Variants in LMCD1 observed in about 807,000 individuals in gnomAD.
LMCD1 encodes LIM and cysteine-rich domains protein 1.
A neutral mutation model predicts 42.7 loss-of-function variants in LMCD1; 32 were observed. The observed-to-expected ratio is 0.75, with a 90% CI of 0.57 to 1.01. The LOEUF is 1.01. Among genes scored for constraint, LMCD1 ranks in the 50% least tolerant of loss-of-function variants. The pLI, the probability that LMCD1 is intolerant of heterozygous loss-of-function variation, is 0.00. For missense variants in LMCD1, 458 were observed against 483.1 expected (o/e 0.95, Z 0.49); for synonymous variants, 178 against 184.9 (o/e 0.96, Z 0.30).
intron 2 of LMCD1, among the ~76,000 whole-genome samples, chr3:8,535,428 C>T (rs186976357): frequency 1.3e-5 from 2 of 152,302 alleles, no homozygotes; most frequent in Non-Finnish European, 2.9e-5. Context: ...TCAATTTTAA[C>T]ATCTCTCAAA....
At chr3:8,557,983 C>T (rs948911557) in intron 4 of LMCD1, among the ~76,000 whole-genome samples, 8 of 152,184 alleles carry the variant, frequency 5.3e-5, no homozygotes, top group East Asian at 3.9e-4. Flanking sequence ...GGTCTCTCCA[C>T]GTGGTTGCCC....
chr3:8,528,172 C>T (rs1056703865), intron 1 of LMCD1, among the ~76,000 whole-genome samples: 9 of 152,120 alleles, frequency 5.9e-5, no homozygotes, highest in African/African-American at 1.9e-4. Flanking sequence ...AAAGGATGTG[C>T]CACTCACCTT....
intron 2 of LMCD1, among the ~76,000 whole-genome samples, chr3:8,534,104 C>T (rs1268421815): frequency 6.6e-6 from 1 of 151,834 alleles, no homozygotes; most frequent in Non-Finnish European, 1.5e-5. Context: ...CCCCACTGGT[C>T]CTGAATCTCA....
intron 1 of LMCD1, among the ~76,000 whole-genome samples, chr3:8,518,052 GA>G (rs148036295): frequency 0.049 from 7,014 of 144,332 alleles, 282 homozygotes; most frequent in African/African-American, 0.11. Context: ...TTTTAAAGAT[GA>G]AAAAAAAAAA....
rs371894685 is a variant in LMCD1, at chr3:8,532,730, T to C, written c.43-7T>C. Reference sequence around the variant, plus strand: ...GGAAAACACCCTCTTTTCTGTTCCTTTTCCAGATGTCCCTGGGCCAGCTGC... The same window carrying C: ...GGAAAACACCCTCTTTTCTGTTCCTCTTCCAGATGTCCCTGGGCCAGCTGC... On this transcript the variant is annotated splice_region_variant and splice_polypyrimidine_tract_variant and intron_variant, in intron 1 of 5. Coordinates refer to ENST00000157600, the MANE Select transcript of LMCD1 (RefSeq NM_014583.4). The C allele has an allele frequency of 1.5e-5, 25 of 1,613,670 alleles. No individual in the cohort carries two copies. Among genetic ancestry groups the C allele is most frequent in the Middle Eastern group, 1.7e-4 (1 of 6,056 alleles).
chr3:8,553,812 CA>C (rs1694881905), intron 4 of LMCD1, among the ~76,000 whole-genome samples: 1 of 152,196 alleles, frequency 6.6e-6, no homozygotes, highest in African/African-American at 2.4e-5. Flanking sequence ...GGGGCAATAC[CA>C]AGCCTGAAAA....
intron 2 of LMCD1, among the ~76,000 whole-genome samples, chr3:8,533,701 C>G (rs79066138): frequency 6.5e-4 from 99 of 152,180 alleles, no homozygotes; most frequent in African/African-American, 2.3e-3. Context: ...TGAAATAAAC[C>G]TAAGCAGTAG....
At chr3:8,520,779 A>G (rs773507233) in intron 1 of LMCD1, among the ~76,000 whole-genome samples, 11 of 152,364 alleles carry the variant, frequency 7.2e-5, no homozygotes, top group Middle Eastern at 3.4e-3. Flanking sequence ...AATCCCTTTC[A>G]TAGGCAATTA....
chr3:8,516,714 G>A (rs1694108152), intron 1 of LMCD1, among the ~76,000 whole-genome samples: 1 of 152,178 alleles, frequency 6.6e-6, no homozygotes, highest in African/African-American at 2.4e-5. Flanking sequence ...TTTGCAGGGA[G>A]AAATTGCTTT....
intron 1 of LMCD1, among the ~76,000 whole-genome samples, chr3:8,531,226 G>C (rs1156295984): frequency 6.6e-6 from 1 of 152,126 alleles, no homozygotes; most frequent in Admixed American, 6.5e-5. Context: ...TGCTCACATT[G>C]CATACCCTAC....
intron 1 of LMCD1, among the ~76,000 whole-genome samples, chr3:8,504,970 A>G (rs937418837): frequency 2.6e-5 from 4 of 152,222 alleles, no homozygotes; most frequent in Non-Finnish European, 5.9e-5. Flanking sequence ...CAAGCTAATT[A>G]ACTTTGAGTC....
intron 4 of LMCD1, among the ~76,000 whole-genome samples, chr3:8,563,613 G>A (rs566184625): frequency 6.6e-6 from 1 of 152,324 alleles, no homozygotes; most frequent in Admixed American, 6.5e-5. Flanking sequence ...TGGGGGATCT[G>A]CCAAAATCAT....
chr3:8,545,175 T>C (rs537674313), intron 3 of LMCD1, among the ~76,000 whole-genome samples: 2 of 152,354 alleles, frequency 1.3e-5, no homozygotes, highest in East Asian at 3.9e-4. Flanking sequence ...ATGTCCATAA[T>C]GATTTAATTA....
chr3:8,520,545 G>C (rs927751502), intron 1 of LMCD1, among the ~76,000 whole-genome samples: 1 of 152,132 alleles, frequency 6.6e-6, no homozygotes, highest in Admixed American at 6.5e-5. Context: ...CTTCTATCTT[G>C]ATTTCCCTCA....
At position 8,573,452 on chromosome 3, in the gene LMCD1, T is replaced by C. The variant is rs1245681347; in HGVS notation, c.*5854T>C. ...TGTCCCATGGAGACACAAGCAATAGTGACATGAGCACTTGACTCGCTGGGT... is the reference window on the plus strand; with the variant it reads ...TGTCCCATGGAGACACAAGCAATAGCGACATGAGCACTTGACTCGCTGGGT... On this transcript the variant is annotated 3_prime_UTR_variant, in exon 6 of 6. Transcript: ENST00000157600. The C allele has an allele frequency of 2.6e-5, 4 of 152,176 alleles. No individual in the cohort carries two copies. Among genetic ancestry groups the C allele is most frequent in the Non-Finnish European group, 4.4e-5 (3 of 68,038 alleles). 9.4% of individuals were successfully genotyped at this position (152,176 alleles called of 1,614,324 possible). A position where few individuals can be genotyped will look rare whatever the true frequency, so the allele number is the denominator to read the frequency against.
At position 8,567,536 on chromosome 3, in the gene LMCD1, G is replaced by T; in HGVS notation, c.1036G>T (p.Ala346Ser). The T allele has an allele frequency of 6.2e-7, 1 of 1,613,802 alleles. No homozygotes were observed. The highest frequency in any genetic ancestry group is 1.6e-4 in the Middle Eastern group (1 of 6,062). The change falls in exon 6 of 6, where the codon GCG (alanine) becomes TCG (serine). Residue 346 changes from alanine (A) to serine (S), a missense_variant. Physicochemically the swap from Ala to Ser is moderately conservative, Grantham distance 99 (BLOSUM62 1). Transcript: ENST00000157600. ...TTGTGAGCAGCTGCTGAGCGGCCGG[G>T]CGTACATCGTCACCAAGGGTCAGCT... is the stretch of plus-strand genomic sequence containing the variant. ...EGCEQLLSGR[A>S]YIVTKGQLLC...
At chr3:8,509,095 A>G (rs1169192444) in intron 1 of LMCD1, among the ~76,000 whole-genome samples, 1 of 152,234 alleles carries the variant, frequency 6.6e-6, no homozygotes, top group Non-Finnish European at 1.5e-5. Flanking sequence ...CGATAGTTTA[A>G]TGAGGTAAAG....
intron 1 of LMCD1, among the ~76,000 whole-genome samples, chr3:8,520,432 G>A (rs2125015920): frequency 6.6e-6 from 1 of 152,296 alleles, no homozygotes; most frequent in South Asian, 2.1e-4. Flanking sequence ...TAATTTCCAA[G>A]TGTAACCTGA....
rs1019790160 is a variant in LMCD1 at position 8,574,302 on chromosome 3, G to A, written c.*6704G>A. 3 of 152,438 alleles carry A rather than the reference G, an allele frequency of 2.0e-5. No homozygotes were observed. The highest frequency in any genetic ancestry group is 4.8e-5 in the African/African-American group (2 of 41,466). The allele number at this position is 152,438 out of a possible 1,614,324, so 9.4% of individuals were successfully genotyped here. A position where few individuals can be genotyped will look rare whatever the true frequency, so the allele number is the denominator to read the frequency against. On this transcript the variant is annotated 3_prime_UTR_variant, in exon 6 of 6. Transcript: ENST00000157600. Reference sequence around the variant, plus strand: ...ATACCTTCATCGTGGGCCAACCACTGTGGGGAAGGGGGAGGGATTAGAAAA... The same window carrying A: ...ATACCTTCATCGTGGGCCAACCACTATGGGGAAGGGGGAGGGATTAGAAAA...
Sources: allele counts gnomAD v4.1 joint callset (sites outside exome capture counted in the v4.1 genomes callset), GRCh38; gene constraint gnomAD v4.1.1; transcripts MANE v1.5; gene names NCBI Gene and HGNC (gene_info 2026-07-23, HGNC 2026-07-21).